Variants in NPR3 observed in about 807,000 individuals in gnomAD.
The protein encoded by NPR3 is natriuretic peptide receptor 3.
NPR3 carries 34 observed loss-of-function variants against 54.5 expected under a neutral mutation model. The observed-to-expected ratio is 0.62, with a 90% confidence interval of 0.47 to 0.83. The LOEUF (loss-of-function observed/expected upper bound fraction) is 0.83, where lower values mean the gene tolerates loss of function less well. Among genes scored for constraint, NPR3 ranks in the 40% least tolerant of loss-of-function variants. The pLI is 0.00. For missense variants in NPR3, 674 were observed against 720.8 expected (o/e 0.94, Z 0.74); for synonymous variants, 289 against 297.1 (o/e 0.97, Z 0.28).
rs888264351 is a variant in NPR3, at chr5:32,789,050, C to G, written c.*2705C>G. 6.0e-6 allele frequency: 1 copy of G among 166,434 alleles called. No individual in the cohort carries two copies. The highest frequency in any genetic ancestry group is 5.6e-5 in the Admixed American group (1 of 17,860). The allele number at this position is 166,434 out of a possible 1,614,324, so 10.3% of individuals were successfully genotyped here. On this transcript the variant is annotated 3_prime_UTR_variant, in exon 8 of 8. Coordinates refer to ENST00000265074, the MANE Select transcript of NPR3 (RefSeq NM_001204375.2). ...TCTTTGACAACTAGTAATTCATACT[C>G]TACTAGTAGTCACATGTCATATAGT... is the stretch of plus-strand genomic sequence containing the variant.
At chr5:32,758,910 A>G (rs1030531620) in intron 3 of NPR3, among the ~76,000 whole-genome samples, 23 of 152,200 alleles carry the variant, frequency 1.5e-4, no homozygotes, top group African/African-American at 5.3e-4. Flanking sequence ...GTAGTTGAGC[A>G]GTTTTGAGTG....
Position 32,728,835 on chromosome 5 carries a change from G to GTATATATATA in NPR3, c.892+4016_892+4017insATATATATAT, listed in dbSNP as rs1226669792. Among the ~76,000 whole-genome samples, 90 of 60,600 alleles carry GTATATATATA rather than the reference G, an allele frequency of 1.5e-3. 2 individuals carry two copies. The highest frequency in any genetic ancestry group is 2.8e-3 in the East Asian group (4 of 1,454). The allele number at this position is 60,600 out of a possible 152,430, so 39.8% of individuals were successfully genotyped here. A position where few individuals can be genotyped will look rare whatever the true frequency, so the allele number is the denominator to read the frequency against. On this transcript the variant is annotated intron_variant, in intron 2 of 7. Coordinates refer to ENST00000265074, the MANE Select transcript of NPR3 (RefSeq NM_001204375.2). ...AATATTTGTGTGTGTGTGTGTGTGT[G>GTATATATATA]TGTATATATATATATATATATATAT...
chr5:32,725,041 A>G (rs1203440173), intron 2 of NPR3, among the ~76,000 whole-genome samples: 2 of 152,044 alleles, frequency 1.3e-5, no homozygotes, highest in Non-Finnish European at 2.9e-5. Flanking sequence ...CAAACACTGC[A>G]TGCTCTCACT....
At chr5:32,774,399 G>C (rs1741928105) in intron 3 of NPR3, among the ~76,000 whole-genome samples, 1 of 152,198 alleles carries the variant, frequency 6.6e-6, no homozygotes, top group Non-Finnish European at 1.5e-5. Context: ...TGTGGGGAAG[G>C]AGGAGGGGAC....
At chr5:32,784,983 C>T in intron 7 of NPR3, 100 bp downstream of exon 7, 1 of 972,286 alleles carries the variant, frequency 1.0e-6, no homozygotes, top group Non-Finnish European at 1.6e-6. Flanking sequence ...CCCTCTTTCA[C>T]CCAGGAAGCA....
intron 1 of NPR3, among the ~76,000 whole-genome samples, chr5:32,714,082 G>A (rs962784238): frequency 1.3e-5 from 2 of 152,250 alleles, no homozygotes; most frequent in African/African-American, 4.8e-5. Context: ...CTGCGCCCCG[G>A]GCTGCTAAGG....
At chr5:32,716,441 A>G (rs777076275) in intron 1 of NPR3, 5 of 454,360 alleles carry the variant, frequency 1.1e-5, no homozygotes, top group Non-Finnish European at 2.2e-5. Flanking sequence ...TGATCATTCT[A>G]CTGCCTGTTA....
chr5:32,694,615 T>C (rs1484469408), intron 1 of NPR3, among the ~76,000 whole-genome samples: 1 of 152,216 alleles, frequency 6.6e-6, no homozygotes, highest in Non-Finnish European at 1.5e-5. Context: ...TGAAATATTT[T>C]GATACAGGCA....
At chr5:32,760,195 C>T (rs182073698) in intron 3 of NPR3, among the ~76,000 whole-genome samples, 95 of 151,402 alleles carry the variant, frequency 6.3e-4, no homozygotes, top group African/African-American at 2.2e-3. Flanking sequence ...CGTTTTTTTG[C>T]GGACCCATGC....
chr5:32,732,247 CAAAAAAAAAAAAAAAAA>C (rs34564234), intron 2 of NPR3, among the ~76,000 whole-genome samples: 2 of 32,986 alleles, frequency 6.1e-5, no homozygotes, highest in South Asian at 1.5e-3. Context: ...GACTCCGTCT[CAAAAAAAAAAAAAAAAA>C]AAAAAAAAAA....
chr5:32,774,868 T>C (rs2112049727), intron 4 of NPR3, 25 bp downstream of exon 4: 1 of 1,583,368 alleles, frequency 6.3e-7, no homozygotes, highest in Non-Finnish European at 8.7e-7. Flanking sequence ...TATAAGGCAA[T>C]TACATGGGGC....
intron 3 of NPR3, among the ~76,000 whole-genome samples, chr5:32,757,957 G>C (rs1168543694): frequency 6.6e-6 from 1 of 152,198 alleles, no homozygotes; most frequent in Non-Finnish European, 1.5e-5. Context: ...AAGCCCACTT[G>C]ATCATGGTGG....
At chr5:32,775,809 G>C (rs1187995179) in intron 4 of NPR3, among the ~76,000 whole-genome samples, 1 of 152,126 alleles carries the variant, frequency 6.6e-6, no homozygotes, top group African/African-American at 2.4e-5. Context: ...TGTTGGTCAA[G>C]CTGGTCTCAA....
intron 2 of NPR3, among the ~76,000 whole-genome samples, chr5:32,737,412 C>G (rs1216393074): frequency 6.6e-6 from 1 of 152,194 alleles, no homozygotes; most frequent in African/African-American, 2.4e-5. Flanking sequence ...ATAGAAATTC[C>G]AAAGCCACCA....
chr5:32,735,484 A>G (rs935292066), intron 2 of NPR3, among the ~76,000 whole-genome samples: 2 of 151,916 alleles, frequency 1.3e-5, no homozygotes, highest in African/African-American at 2.4e-5. Context: ...AATACCAAAA[A>G]AAAAAAAAAA....
At position 32,749,340 on chromosome 5, in the gene NPR3, C is replaced by G. The variant is rs995905060; in HGVS notation, c.1059+10310C>G. ...TTTAAAAAAAATTTTCTTTTACTTT[C>G]TGCATAGTGTTTGCCTTTCAAGTTC... is the stretch of plus-strand genomic sequence containing the variant. On this transcript the variant is annotated intron_variant, in intron 3 of 7. Transcript: ENST00000265074. Among the ~76,000 whole-genome samples, 10 of 152,202 alleles carry G rather than the reference C, an allele frequency of 6.6e-5. No individual in the cohort carries two copies. In the East Asian group the frequency reaches 1.9e-3, roughly 29 times the overall value.
At chr5:32,705,149 A>G (rs914666383), upstream of NPR3, among the ~76,000 whole-genome samples, 3 of 152,246 alleles carry the variant, frequency 2.0e-5, no homozygotes, top group African/African-American at 7.2e-5. Flanking sequence ...GCTTGGGTTG[A>G]AAAATGCTGA....
chr5:32,705,280 C>A (rs149404621), upstream of NPR3, among the ~76,000 whole-genome samples: 1 of 152,326 alleles, frequency 6.6e-6, no homozygotes, highest in East Asian at 1.9e-4. Flanking sequence ...CCCACAGTGG[C>A]AGACCATCCA....
chr5:32,774,752 C>G lies in NPR3; in HGVS notation c.1104C>G (p.Tyr368Ter), dbSNP rs140897654. 9 of 1,606,860 alleles carry G rather than the reference C, an allele frequency of 5.6e-6. No individual in the cohort carries two copies. Among genetic ancestry groups the G allele is most frequent in the Non-Finnish European group, 7.7e-6 (9 of 1,173,550 alleles). The change falls in exon 4 of 8, where the codon TAC (tyrosine) becomes TAG (stop). Residue 368 changes from tyrosine (Y) to a stop codon, truncating the protein, a stop_gained. Coordinates refer to ENST00000265074, the MANE Select transcript of NPR3 (RefSeq NM_001204375.2). LOFTEE classifies it high-confidence loss of function. Reference protein sequence around the residue: ...VEGFHDAILLYVLALHEVLRA... With the variant: ...VEGFHDAILL ...GATTCCACGATGCCATCCTCCTCTA[C>G]GTCTTGGCTCTACATGAAGTACTCA...
Sources: allele counts gnomAD v4.1 joint callset (sites outside exome capture counted in the v4.1 genomes callset), GRCh38; gene constraint gnomAD v4.1.1; transcripts MANE v1.5; gene names NCBI Gene and HGNC (gene_info 2026-07-23, HGNC 2026-07-21).